Variants in PCDH11X observed in about 807,000 individuals in gnomAD.
PCDH11X encodes the protein protocadherin-11 X-linked.
A neutral mutation model predicts 53.3 loss-of-function variants in PCDH11X; 18 were observed. The observed-to-expected ratio is 0.34, with a 90% CI of 0.23 to 0.50. The LOEUF (loss-of-function observed/expected upper bound fraction) is 0.50, where lower values mean the gene tolerates loss of function less well. PCDH11X is among the 20% of genes least tolerant of loss of function. The probability of loss-of-function intolerance (pLI) is 0.98; values close to 1 mark genes in which losing one functional copy is unlikely to be tolerated. For synonymous variants in PCDH11X, 279 were observed against 393.3 expected (o/e 0.71, Z 3.44); for missense variants, 570 against 1,032.4 (o/e 0.55, Z 6.14).
intron 5 of PCDH11X, among the ~76,000 whole-genome samples, chrX:91,845,756 T>A: frequency 9.0e-6 from 1 of 111,191 alleles, no homozygotes; most frequent in Non-Finnish European, 1.9e-5. Context: ...TATCTATATG[T>A]TTAAGATCAA....
intron 6 of PCDH11X, among the ~76,000 whole-genome samples, chrX:91,910,937 A>G: frequency 9.0e-6 from 1 of 111,515 alleles, no homozygotes; most frequent in Admixed American, 9.6e-5. Flanking sequence ...AGTTCAATAT[A>G]TACCTCATAT....
At chrX:92,516,317 T>C (rs2074268093) in intron 10 of PCDH11X, among the ~76,000 whole-genome samples, 1 of 111,723 alleles carries the variant, frequency 9.0e-6, no homozygotes, top group Admixed American at 9.5e-5. Flanking sequence ...ACAAAAGTCT[T>C]GATATGATGA....
At chrX:91,872,798 T>C (rs1257584358) in intron 5 of PCDH11X, among the ~76,000 whole-genome samples, 1 of 109,581 alleles carries the variant, frequency 9.1e-6, no homozygotes, top group Non-Finnish European at 1.9e-5. Flanking sequence ...CCTCCTGTCA[T>C]GGTCAAACAT....
At chrX:92,479,547 G>T (rs750134662) in intron 10 of PCDH11X, among the ~76,000 whole-genome samples, 16 of 107,989 alleles carry the variant, frequency 1.5e-4, no homozygotes, top group Admixed American at 1.3e-3. Context: ...TTGTAAAGCA[G>T]GTTGGTTGGT....
intron 10 of PCDH11X, among the ~76,000 whole-genome samples, chrX:92,608,749 G>A (rs1278116903): frequency 9.0e-6 from 1 of 110,864 alleles, no homozygotes; most frequent in Non-Finnish European, 1.9e-5. Flanking sequence ...ATCACTCATT[G>A]CTGTTTTTTA....
At chrX:91,801,179 C>CTAAA (rs1935924199) in intron 1 of PCDH11X, among the ~76,000 whole-genome samples, 1 of 31,941 alleles carries the variant, frequency 3.1e-5, no homozygotes, top group African/African-American at 1.2e-4. Flanking sequence ...GACCCTGCCT[C>CTAAA]AAAAAAAAAA....
chrX:92,210,410 T>G (rs2148334853), intron 7 of PCDH11X, among the ~76,000 whole-genome samples: 1 of 107,520 alleles, frequency 9.3e-6, no homozygotes, highest in South Asian at 4.2e-4. Context: ...GGCTAATTTT[T>G]TTGTATTTTT....
chrX:92,278,511 C>T (rs6618942), intron 8 of PCDH11X, among the ~76,000 whole-genome samples: 5,485 of 107,568 alleles, frequency 0.051, 349 homozygotes, highest in East Asian at 0.23. Flanking sequence ...TTTGGGAAGG[C>T]AATGGAAAAT....
intron 8 of PCDH11X, among the ~76,000 whole-genome samples, chrX:92,265,400 C>T (rs779950552): frequency 8.2e-5 from 9 of 110,026 alleles, no homozygotes; most frequent in South Asian, 3.9e-4. Flanking sequence ...CGTGGGAAGG[C>T]GAAAATCCTG....
intron 6 of PCDH11X, among the ~76,000 whole-genome samples, chrX:92,026,050 G>C (rs1038135711): frequency 9.0e-6 from 1 of 110,597 alleles, no homozygotes; most frequent in African/African-American, 3.3e-5. Flanking sequence ...CTACTGGAGG[G>C]TGGAGGGTGG....
chrX:91,947,997 A>G (rs2061596732), intron 6 of PCDH11X, among the ~76,000 whole-genome samples: 2 of 92,912 alleles, frequency 2.2e-5, no homozygotes, highest in African/African-American at 7.2e-5. Context: ...GACCTCTGAA[A>G]TGTTTTACAT....
chrX:92,353,589 T>C (rs986832241), intron 8 of PCDH11X, among the ~76,000 whole-genome samples: 4 of 110,905 alleles, frequency 3.6e-5, no homozygotes, highest in African/African-American at 1.3e-4. Flanking sequence ...CAGAGTAGGT[T>C]CGACTAATGC....
chrX:92,339,902 T>G (rs1348612814), intron 8 of PCDH11X, among the ~76,000 whole-genome samples: 1 of 110,805 alleles, frequency 9.0e-6, no homozygotes, highest in Non-Finnish European at 1.9e-5. Flanking sequence ...AAATCTTATC[T>G]CATTTCAGCA....
chrX:91,782,547 C>G (rs1413469001), intron 1 of PCDH11X, among the ~76,000 whole-genome samples: 1 of 109,599 alleles, frequency 9.1e-6, no homozygotes, highest in Non-Finnish European at 1.9e-5. Flanking sequence ...AGAGCAAGCT[C>G]TCTAGAAGGC....
At chrX:92,089,620 T>C (rs2064015495) in intron 6 of PCDH11X, among the ~76,000 whole-genome samples, 1 of 107,541 alleles carries the variant, frequency 9.3e-6, no homozygotes, top group Non-Finnish European at 1.9e-5. Context: ...CCTCCCGGGT[T>C]CAAACGATTC....
intron 8 of PCDH11X, among the ~76,000 whole-genome samples, chrX:92,354,799 TCA>T (rs781284998): frequency 3.0e-4 from 34 of 111,715 alleles, no homozygotes; most frequent in African/African-American, 1.1e-3. Context: ...AGAAAAATTC[TCA>T]GACATTAGTA....
chrX:92,212,347 T>A (rs1275165238), intron 7 of PCDH11X, among the ~76,000 whole-genome samples: 1 of 110,792 alleles, frequency 9.0e-6, no homozygotes, highest in Non-Finnish European at 1.9e-5. Context: ...CTTATTTATT[T>A]ATTATTTTAT....
At chrX:92,563,528 C>T (rs1921079071) in intron 10 of PCDH11X, among the ~76,000 whole-genome samples, 1 of 111,009 alleles carries the variant, frequency 9.0e-6, no homozygotes, top group South Asian at 3.8e-4. Context: ...ACCTTACAGG[C>T]CAGAAAAGAG....
At chrX:91,918,477 A>G (rs1214984733) in intron 6 of PCDH11X, among the ~76,000 whole-genome samples, 1 of 109,905 alleles carries the variant, frequency 9.1e-6, no homozygotes, top group Non-Finnish European at 1.9e-5. Flanking sequence ...AACCTCTAGG[A>G]AGAATATGTT....
Sources: allele counts gnomAD v4.1 joint callset (sites outside exome capture counted in the v4.1 genomes callset), GRCh38; gene constraint gnomAD v4.1.1; transcripts MANE v1.5; gene names NCBI Gene and HGNC (gene_info 2026-07-23, HGNC 2026-07-21).